The following ACIN1 variants were observed in gnomAD, a reference collection of about 807,000 sequenced individuals.
ACIN1 encodes the protein apoptotic chromatin condensation inducer in the nucleus.
ACIN1 carries 16 observed loss-of-function variants against 146.6 expected under a neutral mutation model. The observed-to-expected ratio is 0.11, with a 90% CI of 0.07 to 0.17. ACIN1 has a LOEUF of 0.17. ACIN1 is among the 10% of genes least tolerant of loss of function. The pLI is 1.00. For synonymous variants in ACIN1, 569 were observed against 582.7 expected, an observed-to-expected ratio of 0.98 and a Z score of 0.34; for missense variants, 1,357 against 1,609.3, an observed-to-expected ratio of 0.84 and a Z score of 2.68.
In ACIN1 at chr14:23,067,195, AG is replaced by A; in HGVS notation, c.2266-1188del. On this transcript the variant is annotated intron_variant, in intron 9 of 18. Transcript: ENST00000605057. The surrounding 1 kb of genome is among the most constrained non-coding windows in gnomAD (Gnocchi z 4.6). ...AACATGAACCAAATAAATAAATAAA[AG>A]AAATCAGAAAAAATAAAGATATAGA... The A allele has an allele frequency of 1.4e-6, 1 of 697,276 alleles. No homozygotes were observed. The highest frequency in any genetic ancestry group is 1.8e-6 in the Non-Finnish European group (1 of 567,170). The allele number at this position is 697,276 out of a possible 1,614,324, so 43.2% of individuals were successfully genotyped here.
At chr14:23,084,167 G>C (rs532730297) in intron 4 of ACIN1, among the ~76,000 whole-genome samples, 47 of 152,208 alleles carry the variant, frequency 3.1e-4, no homozygotes, top group Admixed American at 2.7e-3. Flanking sequence ...GGCTGGTCTC[G>C]AACTCCTGAC....
At chr14:23,081,663 C>T in intron 5 of ACIN1, 85 bp downstream of exon 5, 1 of 1,177,752 alleles carries the variant, frequency 8.5e-7, no homozygotes, top group Non-Finnish European at 1.2e-6. Context: ...AATGTAGAGA[C>T]ATACAAACTC....
At chr14:23,084,642 G>GA (rs2048042228) in intron 4 of ACIN1, among the ~76,000 whole-genome samples, 1 of 150,154 alleles carries the variant, frequency 6.7e-6, no homozygotes, top group African/African-American at 2.5e-5. Flanking sequence ...AACCCAAAAT[G>GA]AAACTAATGA....
intron 8 of ACIN1, among the ~76,000 whole-genome samples, chr14:23,070,738 G>A (rs929834042): frequency 6.6e-6 from 1 of 151,940 alleles, no homozygotes; most frequent in Non-Finnish European, 1.5e-5. Flanking sequence ...ACCACCACCA[G>A]AAAAGTCAGC....
rs147241213 is a variant in ACIN1 at position 23,063,025 on chromosome 14, G to A, written c.2787C>T (p.Ser929=). 4.7e-5 allele frequency: 76 copies of A among 1,613,788 alleles called. No homozygotes were observed. Among genetic ancestry groups the A allele is most frequent in the Non-Finnish European group, 5.8e-5 (68 of 1,179,944 alleles). ...LTRRSISQQK[S]GVSITIDDPV... ...GGTCATCAATGGTAATGGAAACTCCGGACTTCTGCTGGCTAATGGAACGTC... is the reference window on the plus strand; with the variant it reads ...GGTCATCAATGGTAATGGAAACTCCAGACTTCTGCTGGCTAATGGAACGTC... Residue 929 remains serine (S), a synonymous_variant, in exon 14 of 19, where the codon TCC becomes TCT. Coordinates refer to ENST00000605057, the MANE Select transcript of ACIN1 (RefSeq NM_001386863.1).
chr14:23,064,150 A>T lies in ACIN1; in HGVS notation c.2550T>A (p.Asp850Glu), dbSNP rs2047379524. ...SEDETERNGD[D>E]GTHDKGLKIC... is the part of the protein sequence containing the mutation. ...TTTTCAGCCCCTTGTCATGGGTCCC[A>T]TCATCGCCATTACGCTCTGTCTCAT... The change falls in exon 12 of 19, where the codon GAT becomes GAA. Residue 850 changes from aspartate to glutamate, a missense_variant. Coordinates refer to ENST00000605057, the MANE Select transcript of ACIN1 (RefSeq NM_001386863.1). 6.8e-6 allele frequency: 11 copies of T among 1,613,978 alleles called. No individual in the cohort carries two copies. Among genetic ancestry groups the T allele is most frequent in the African/African-American group, 1.3e-5 (1 of 74,898 alleles).
chr14:23,073,141 T>C (rs1228004771), intron 8 of ACIN1, among the ~76,000 whole-genome samples: 1 of 152,232 alleles, frequency 6.6e-6, no homozygotes, highest in Non-Finnish European at 1.5e-5. Flanking sequence ...GGCAAAGCCA[T>C]TCAGTGATTG....
intron 8 of ACIN1, among the ~76,000 whole-genome samples, chr14:23,070,575 CTA>C (rs1329275508): frequency 1.3e-5 from 2 of 152,112 alleles, no homozygotes; most frequent in Non-Finnish European, 2.9e-5. Flanking sequence ...TTCAGATAAA[CTA>C]TCTTTCCACC....
chr14:23,067,866 G>C lies in ACIN1; in HGVS notation c.2265+1610C>G. The C allele has an allele frequency of 5.1e-6, 5 of 985,850 alleles. No individual in the cohort carries two copies. The highest frequency in any genetic ancestry group is 6.0e-6 in the Non-Finnish European group (5 of 829,952). 61.1% of individuals were successfully genotyped at this position (985,850 alleles called of 1,614,324 possible). On this transcript the variant is annotated intron_variant, in intron 9 of 18. Transcript: ENST00000605057. This position sits in a 1 kb window ranked among gnomAD's most constrained non-coding sequence, Gnocchi z 4.6. ...ATGGAGCCTCTGATGAAGGTAGCCT[G>C]GGGGTAGGTGAATACCCCAGGACCT... is the stretch of plus-strand genomic sequence containing the variant.
At chr14:23,079,096 A>G (rs1423703733) in intron 6 of ACIN1, 58 bp from the exon 7 acceptor site, 1 of 1,502,024 alleles carries the variant, frequency 6.7e-7, no homozygotes, top group Admixed American at 2.2e-5. Context: ...TATATTCAGT[A>G]GATTGCTGAG....
Position 23,080,298 on chromosome 14 carries a change from A to T in ACIN1, c.1037T>A (p.Leu346Gln), listed in dbSNP as rs561917952. The T allele has an allele frequency of 1.2e-5, 19 of 1,614,214 alleles. No homozygotes were observed. The African/African-American group carries it at 1.7e-4, about 15-fold the overall frequency. ...CTCCTCGCTGGCAGTTTGCTCTGGCAGCGCTACAAGTGAGGCCTTCTTTCG... is the reference window on the plus strand; with the variant it reads ...CTCCTCGCTGGCAGTTTGCTCTGGCTGCGCTACAAGTGAGGCCTTCTTTCG... ...EDRKKASLVALPEQTASEEET... is the reference protein window; with the variant it reads ...EDRKKASLVAQPEQTASEEET... The change falls in exon 6 of 19, where the codon CTG becomes CAG. Residue 346 changes from leucine to glutamine, a missense_variant. By Grantham distance (113) the Leu-to-Gln change is moderately radical. Around this residue, in one of 4 missense-constraint regions of ACIN1, gnomAD observed 771 missense variants for 746.6 expected, o/e 1.03. Transcript: ENST00000605057.
intron 1 of ACIN1, chr14:23,094,510 C>T (rs2048317028): frequency 1.0e-6 from 1 of 985,240 alleles, no homozygotes; most frequent in Admixed American, 6.2e-5. Context: ...TCTAATCGAG[C>T]AGACATTTTA....
chr14:23,078,191 T>C lies in ACIN1; in HGVS notation c.2083A>G (p.Thr695Ala), dbSNP rs767736920. 5.6e-6 allele frequency: 9 copies of C among 1,614,120 alleles called. No individual in the cohort carries two copies. In the South Asian group the frequency reaches 8.8e-5, roughly 16 times the overall value. Residue 695 changes from threonine (T) to alanine (A), a missense_variant, in exon 8 of 19, where the codon ACC becomes GCC. Physicochemically the swap from Thr to Ala is moderately conservative, Grantham distance 58. Coordinates refer to ENST00000605057, the MANE Select transcript of ACIN1 (RefSeq NM_001386863.1). ...CTTTCTGATTCTGGCAGATGAGAGG[T>C]CTGAGTCTCTGAGGTTTGGGGCTGT... ...ATQPQTSETQ[T>A]SHLPESERIH...
chr14:23,071,073 AG>A (rs1156650461), intron 8 of ACIN1: 3 of 1,514,174 alleles, frequency 2.0e-6, no homozygotes, highest in Non-Finnish European at 2.7e-6. Context: ...AGGAAGACGA[AG>A]GGAGCTAGGG....
At chr14:23,078,640 C>T (rs910389483) in intron 7 of ACIN1, among the ~76,000 whole-genome samples, 180 bp downstream of exon 7, 1 of 152,166 alleles carries the variant, frequency 6.6e-6, no homozygotes, top group Non-Finnish European at 1.5e-5. Context: ...TGCTGCTCAG[C>T]CTCATGTAGA....
intron 13 of ACIN1, 67 bp downstream of exon 13, chr14:23,063,369 G>C: frequency 6.4e-7 from 1 of 1,551,274 alleles, no homozygotes; most frequent in Non-Finnish European, 8.7e-7. Context: ...AGCTTTCAGC[G>C]ATCCAAATGA....
intron 8 of ACIN1, chr14:23,071,550 A>G: frequency 1.3e-6 from 2 of 1,550,212 alleles, no homozygotes; most frequent in Non-Finnish European, 8.7e-7. Context: ...CATGCAGGGG[A>G]GCCATCTTGC....
Position 23,079,872 on chromosome 14 carries a change from C to T in ACIN1, c.1463G>A (p.Cys488Tyr), listed in dbSNP as rs1234618062. The T allele has an allele frequency of 1.2e-6, 2 of 1,614,204 alleles. No homozygotes were observed. Among genetic ancestry groups the T allele is most frequent in the Admixed American group, 3.3e-5 (2 of 60,026 alleles). ...LALAKGITEE[C>Y]LKQPSLEQKE... ...CTGTTCCAAAGATGGCTGTTTCAGA[C>T]ATTCTTCAGTGATTCCTTTGGCCAG... The change falls in exon 6 of 19, where the codon TGT becomes TAT. Residue 488 changes from cysteine (C) to tyrosine (Y), a missense_variant. By Grantham distance (194) the Cys-to-Tyr change is radical (BLOSUM62 -2). This residue lies in a region of ACIN1 where 771 missense variants were observed against 746.6 expected (regional missense o/e 1.03). Coordinates refer to ENST00000605057, the MANE Select transcript of ACIN1 (RefSeq NM_001386863.1).
intron 8 of ACIN1, chr14:23,071,512 T>C: frequency 6.4e-7 from 1 of 1,551,590 alleles, no homozygotes; most frequent in Non-Finnish European, 8.7e-7. Context: ...TCTATTGTAT[T>C]GGCGGAGCGG....
Sources: allele counts gnomAD v4.1 joint callset (sites outside exome capture counted in the v4.1 genomes callset), GRCh38; gene constraint gnomAD v4.1.1; regional missense constraint gnomAD v4.1.1; non-coding constraint Gnocchi (gnomAD v3.1); transcripts MANE v1.5; gene names NCBI Gene and HGNC (gene_info 2026-07-23, HGNC 2026-07-21).